PPAT: variants seen among roughly 807,000 people sequenced by gnomAD.
PPAT encodes phosphoribosyl pyrophosphate amidotransferase, also known as amidophosphoribosyltransferase.
Under a neutral mutation model 60.2 loss-of-function variants are expected in PPAT, and 20 were observed. That is an observed-to-expected ratio of 0.33 (90% CI 0.23 to 0.48). The LOEUF is 0.48. Ranked by LOEUF, PPAT falls within the 20% of genes least tolerant of loss-of-function variation. The pLI is 0.99. For synonymous variants in PPAT, 194 were observed against 215.1 expected (o/e 0.90, Z 0.86); for missense variants, 349 against 629.6 (o/e 0.55, Z 4.77).
chr4:56,411,327 C>T (rs780170239), intron 1 of PPAT, among the ~76,000 whole-genome samples: 6 of 152,116 alleles, frequency 3.9e-5, no homozygotes, highest in African/African-American at 7.2e-5. Flanking sequence ...ATTTAATTTG[C>T]GTTTTCCTAA....
chr4:56,394,975 T>C lies in PPAT; in HGVS notation c.*377A>G, dbSNP rs1294933049. On this transcript the variant is annotated 3_prime_UTR_variant, in exon 11 of 11. Transcript: ENST00000264220. ...AGGTATAATGTATTCTATTCAAACTTTGTGTGAAATGGTATATTTAACTCA... is the reference window on the plus strand; with the variant it reads ...AGGTATAATGTATTCTATTCAAACTCTGTGTGAAATGGTATATTTAACTCA... The C allele has an allele frequency of 5.4e-6, 1 of 185,026 alleles. No homozygotes were observed. The highest frequency in any genetic ancestry group is 1.1e-5 in the Non-Finnish European group (1 of 91,250). The allele number at this position is 185,026 out of a possible 1,614,324, so 11.5% of individuals were successfully genotyped here.
intron 1 of PPAT, chr4:56,420,072 C>G: frequency 1.2e-6 from 1 of 834,826 alleles, no homozygotes; most frequent in Non-Finnish European, 1.4e-6. Flanking sequence ...GAAAAATAAT[C>G]TTAACATCAT....
intron 1 of PPAT, among the ~76,000 whole-genome samples, chr4:56,415,612 A>T (rs796526941): frequency 2.0e-5 from 3 of 152,338 alleles, no homozygotes; most frequent in African/African-American, 7.2e-5. Flanking sequence ...TCAATAAATT[A>T]TATAAGATAC....
chr4:56,395,201 T>C lies in PPAT; in HGVS notation c.*151A>G. ...TTCAGTTATCGCACTTTGGTATCCT[T>C]TTCAGAAAAAAAAAAAATCTCAAAA... On this transcript the variant is annotated 3_prime_UTR_variant, in exon 11 of 11. Coordinates refer to ENST00000264220, the MANE Select transcript of PPAT (RefSeq NM_002703.5). 3.0e-6 allele frequency: 2 copies of C among 672,024 alleles called. No homozygotes were observed. Among genetic ancestry groups the C allele is most frequent in the Non-Finnish European group, 4.7e-6 (2 of 429,048 alleles). The allele number at this position is 672,024 out of a possible 1,614,324, so 41.6% of individuals were successfully genotyped here.
At chr4:56,433,124 A>C (rs923102599) in intron 1 of PPAT, among the ~76,000 whole-genome samples, 5 of 151,958 alleles carry the variant, frequency 3.3e-5, no homozygotes, top group Non-Finnish European at 4.4e-5. Flanking sequence ...TGTTCTTCCA[A>C]GCAGAATCAG....
intron 1 of PPAT, chr4:56,416,422 C>T: frequency 1.2e-6 from 1 of 801,666 alleles, no homozygotes; most frequent in Non-Finnish European, 1.5e-6. Context: ...TTTCTCATGT[C>T]AGACCAATGG....
intron 1 of PPAT, among the ~76,000 whole-genome samples, chr4:56,427,371 G>C (rs898090319): frequency 6.6e-6 from 1 of 152,162 alleles, no homozygotes; most frequent in Non-Finnish European, 1.5e-5. Flanking sequence ...TTATATGTAG[G>C]AGTGGAATTG....
At chr4:56,395,574 T>C (rs760428204) in intron 10 of PPAT, 26 bp from the exon 11 acceptor site, 6 of 1,468,486 alleles carry the variant, frequency 4.1e-6, no homozygotes, top group South Asian at 2.9e-5. Context: ...AAAATAAAAA[T>C]GTAATAAGAA....
chr4:56,402,611 G>GT (rs1716139785), intron 5 of PPAT, among the ~76,000 whole-genome samples: 1 of 152,114 alleles, frequency 6.6e-6, no homozygotes, highest in South Asian at 2.1e-4. Flanking sequence ...GAGGTCAGGA[G>GT]TTTGAGACCA....
intron 1 of PPAT, among the ~76,000 whole-genome samples, chr4:56,430,813 G>C (rs1717545151): frequency 1.3e-5 from 2 of 151,886 alleles, no homozygotes; most frequent in African/African-American, 4.8e-5. Flanking sequence ...TGAGGAAACA[G>C]ACTCAGAAGT....
rs573930935 is a variant in PPAT, at chr4:56,400,431, A to G, written c.1014+353T>C. ...GTTATCAGTATTTAAGTTTGGGGGC[A>G]TTAAAATGCATACACAGATTTGACT... On this transcript the variant is annotated intron_variant, in intron 8 of 10. Coordinates refer to ENST00000264220, the MANE Select transcript of PPAT (RefSeq NM_002703.5). 400 of 162,520 alleles carry G rather than the reference A, an allele frequency of 2.5e-3. 3 individuals carry two copies. Among genetic ancestry groups the G allele is most frequent in the African/African-American group, 8.9e-3 (373 of 41,792 alleles). The allele number at this position is 162,520 out of a possible 1,614,324, so 10.1% of individuals were successfully genotyped here. A position where few individuals can be genotyped will look rare whatever the true frequency, so the allele number is the denominator to read the frequency against.
chr4:56,393,428 A>G lies in PPAT; in HGVS notation c.*1924T>C, dbSNP rs1407317202. On this transcript the variant is annotated 3_prime_UTR_variant, in exon 11 of 11. Coordinates refer to ENST00000264220, the MANE Select transcript of PPAT (RefSeq NM_002703.5). ...CAAATAAGTCACAAAAAGTAGGCTT[A>G]GTTTAGTTCACAATATAAATCCCGT... 2 of 152,172 alleles carry G rather than the reference A, an allele frequency of 1.3e-5. No homozygotes were observed. Among genetic ancestry groups the G allele is most frequent in the Admixed American group, 6.5e-5 (1 of 15,286 alleles). 9.4% of individuals were successfully genotyped at this position (152,172 alleles called of 1,614,324 possible).
rs17086746 is a variant in PPAT, at chr4:56,393,833, C to T, written c.*1519G>A. ...GGAGTACATTTAAGACAAGAGGCTA[C>T]GCATGTTGAGGTGGTCCCAGGGCTT... On this transcript the variant is annotated 3_prime_UTR_variant, in exon 11 of 11. Coordinates refer to ENST00000264220, the MANE Select transcript of PPAT (RefSeq NM_002703.5). 4,015 of 152,628 alleles carry T rather than the reference C, an allele frequency of 0.026. 155 individuals carry two copies. Among genetic ancestry groups the T allele is most frequent in the East Asian group, 0.2 (1,012 of 5,168 alleles). The allele number at this position is 152,628 out of a possible 1,614,324, so 9.5% of individuals were successfully genotyped here.
chr4:56,426,833 C>G (rs1717315230), intron 1 of PPAT, among the ~76,000 whole-genome samples: 1 of 152,174 alleles, frequency 6.6e-6, no homozygotes, highest in South Asian at 2.1e-4. Context: ...CATCACCACT[C>G]TCCATCTCCA....
At chr4:56,433,234 C>G (rs1355754020) in intron 1 of PPAT, among the ~76,000 whole-genome samples, 2 of 151,634 alleles carry the variant, frequency 1.3e-5, no homozygotes, top group Non-Finnish European at 2.9e-5. Context: ...TATGCCTACA[C>G]AAGAGAAATG....
chr4:56,408,386 A>T (rs1163176353), intron 1 of PPAT: 1 of 147,456 alleles, frequency 6.8e-6, no homozygotes, highest in Non-Finnish European at 1.5e-5. Context: ...GTGAACCAAG[A>T]TCGCACCACT....
intron 1 of PPAT, among the ~76,000 whole-genome samples, chr4:56,424,405 G>A (rs1298500089): frequency 1.3e-5 from 2 of 152,170 alleles, no homozygotes; most frequent in African/African-American, 4.8e-5. Context: ...ATCATGCTCA[G>A]ACCAGCAGAG....
chr4:56,412,900 A>G (rs547831445), intron 1 of PPAT, among the ~76,000 whole-genome samples: 2 of 152,344 alleles, frequency 1.3e-5, no homozygotes, highest in South Asian at 2.1e-4. Context: ...TTATAAGCAC[A>G]TTAACATTTT....
rs570552262 is a variant in PPAT at position 56,435,242 on chromosome 4, A to T, written c.128+108T>A. The T allele has an allele frequency of 3.0e-5, 45 of 1,508,662 alleles. No homozygotes were observed. The East Asian group carries it at 9.7e-4, about 33-fold the overall frequency. 93.5% of individuals were successfully genotyped at this position (1,508,662 alleles called of 1,614,324 possible). A position where few individuals can be genotyped will look rare whatever the true frequency, so the allele number is the denominator to read the frequency against. On this transcript the variant is annotated intron_variant, in intron 1 of 10. Transcript: ENST00000264220. ...ACAGGCAGGTACTGGCTTAGGTCGG[A>T]GAGGTCGGTCCTCCCGGGCCCTCGG...
Sources: gnomAD v4.1 joint callset for allele counts (sites outside exome capture counted in the v4.1 genomes callset) on GRCh38, gnomAD v4.1.1 for gene constraint, MANE v1.5 for transcripts, NCBI Gene and HGNC (gene_info 2026-07-23, HGNC 2026-07-21) for gene names.